Variants in GRID1 observed in about 807,000 individuals in gnomAD.
GRID1 encodes glutamate receptor ionotropic, delta-1.
Under a neutral mutation model 98.0 loss-of-function variants are expected in GRID1, and 28 were observed. The observed-to-expected ratio is 0.29, with a 90% CI of 0.21 to 0.39. GRID1 has a LOEUF of 0.39. Ranked by LOEUF, GRID1 falls within the 10% of genes least tolerant of loss-of-function variation. The pLI is 1.00. For missense variants in GRID1, 1,111 were observed against 1,340.5 expected (o/e 0.83, Z 2.67); for synonymous variants, 553 against 538.5 (o/e 1.03, Z -0.37).
rs867934574 is a variant in GRID1 at position 85,931,510 on chromosome 10, C to G, written c.727-15271G>C. Among the ~76,000 whole-genome samples the G allele has an allele frequency of 9.2e-5, 14 of 152,048 alleles. No homozygotes were observed. In the South Asian group the frequency reaches 2.5e-3, roughly 27 times the overall value. The stretch of plus-strand genomic sequence containing the variant: ...CATTATATACCTCTTTGCCTTTTTG[C>G]TTTACTTCAATTGAACTTTTAAAAT... On this transcript the variant is annotated intron_variant, in intron 4 of 15. Coordinates refer to ENST00000327946, the MANE Select transcript of GRID1 (RefSeq NM_017551.3).
At chr10:86,240,680 T>G (rs1157613774) in intron 2 of GRID1, among the ~76,000 whole-genome samples, 1 of 152,158 alleles carries the variant, frequency 6.6e-6, no homozygotes, top group Non-Finnish European at 1.5e-5. Context: ...CCCTATGGAA[T>G]GTGCTGCCCA....
At chr10:85,947,792 G>GAC (rs1385424625) in intron 4 of GRID1, among the ~76,000 whole-genome samples, 1 of 152,250 alleles carries the variant, frequency 6.6e-6, no homozygotes, top group African/African-American at 2.4e-5. Flanking sequence ...AAGAGGGTCA[G>GAC]ACGTCCCAAT....
intron 3 of GRID1, among the ~76,000 whole-genome samples, chr10:86,168,205 G>A (rs778745142): frequency 1.3e-5 from 2 of 152,210 alleles, no homozygotes; most frequent in Non-Finnish European, 1.5e-5. Context: ...GTGGACCTTC[G>A]AGTCTAAGGC....
At chr10:86,047,441 C>G (rs1843439329) in intron 4 of GRID1, among the ~76,000 whole-genome samples, 1 of 152,202 alleles carries the variant, frequency 6.6e-6, no homozygotes, top group Non-Finnish European at 1.5e-5. Flanking sequence ...GGCAATTATT[C>G]CCAGTGAATG....
chr10:85,629,269 G>A (rs1842946553), intron 13 of GRID1, among the ~76,000 whole-genome samples: 1 of 152,202 alleles, frequency 6.6e-6, no homozygotes, highest in Non-Finnish European at 1.5e-5. Flanking sequence ...TACAAGTGCA[G>A]TTTTGTTGCA....
chr10:85,866,261 C>T (rs941808178), intron 6 of GRID1, among the ~76,000 whole-genome samples: 44 of 144,364 alleles, frequency 3.0e-4, no homozygotes, highest in African/African-American at 9.7e-4. Flanking sequence ...TGCAGTGATG[C>T]CTTTAAAAAG....
chr10:85,837,958 C>A (rs2096178), intron 8 of GRID1, among the ~76,000 whole-genome samples: 1 of 151,912 alleles, frequency 6.6e-6, no homozygotes, highest in Non-Finnish European at 1.5e-5. Flanking sequence ...AACCAGTTTA[C>A]AGAAGAACAT....
intron 13 of GRID1, among the ~76,000 whole-genome samples, chr10:85,627,172 C>G (rs1034345139): frequency 5.3e-5 from 8 of 152,082 alleles, no homozygotes; most frequent in African/African-American, 9.7e-5. Context: ...AAAGAGGCAC[C>G]CCTGAGCTAT....
At chr10:86,200,101 A>AG (rs1382106051) in intron 3 of GRID1, among the ~76,000 whole-genome samples, 1 of 152,008 alleles carries the variant, frequency 6.6e-6, no homozygotes, top group Non-Finnish European at 1.5e-5. Context: ...GAAAGAGGGA[A>AG]GCAAGTTCTT....
chr10:85,732,190 C>T (rs545959503), intron 8 of GRID1, among the ~76,000 whole-genome samples: 1 of 152,290 alleles, frequency 6.6e-6, no homozygotes, highest in East Asian at 1.9e-4. Context: ...GGTGCTGGAG[C>T]TGCTTAGCCC....
chr10:85,712,108 A>G (rs1841587965), intron 12 of GRID1, among the ~76,000 whole-genome samples: 1 of 151,846 alleles, frequency 6.6e-6, no homozygotes. Flanking sequence ...AGGAACACAA[A>G]TGATGTAAGT....
intron 7 of GRID1, 35 bp from the exon 8 acceptor site, chr10:85,854,650 G>T: frequency 6.2e-7 from 1 of 1,612,928 alleles, no homozygotes; most frequent in African/African-American, 1.3e-5. Context: ...TGGAAAATCT[G>T]GTTAAGGTAG....
chr10:86,358,540 C>T (rs1272965728), intron 2 of GRID1, among the ~76,000 whole-genome samples: 1 of 151,974 alleles, frequency 6.6e-6, no homozygotes, highest in African/African-American at 2.4e-5. Flanking sequence ...AGGCGGATCA[C>T]GAGGTCAGGA....
chr10:85,925,590 T>A (rs1021270859), intron 4 of GRID1, among the ~76,000 whole-genome samples: 2 of 152,200 alleles, frequency 1.3e-5, no homozygotes, highest in Admixed American at 6.5e-5. Flanking sequence ...AGTCCAAAAC[T>A]GATTAGAAAT....
At chr10:86,319,639 G>C (rs1399011767) in intron 2 of GRID1, among the ~76,000 whole-genome samples, 3 of 152,184 alleles carry the variant, frequency 2.0e-5, no homozygotes, top group Admixed American at 6.5e-5. Context: ...ATGACTTTAG[G>C]CAAAGAGGTT....
intron 13 of GRID1, among the ~76,000 whole-genome samples, chr10:85,635,740 G>A (rs1843032111): frequency 6.6e-6 from 1 of 152,192 alleles, no homozygotes. Flanking sequence ...GATGCACTGT[G>A]TGGTAAGGGG....
chr10:86,091,317 G>C (rs1448912876), intron 4 of GRID1, among the ~76,000 whole-genome samples: 3 of 152,154 alleles, frequency 2.0e-5, no homozygotes, highest in Admixed American at 2.0e-4. Context: ...AGTGAGACCA[G>C]CCCTTCAGTT....
chr10:85,741,049 G>GA (rs749336020), intron 8 of GRID1, among the ~76,000 whole-genome samples: 7 of 152,204 alleles, frequency 4.6e-5, no homozygotes, highest in Non-Finnish European at 8.8e-5. Context: ...ACTGCGCCCA[G>GA]CCCACATAAC....
chr10:85,715,160 T>A (rs1445085865), intron 12 of GRID1, among the ~76,000 whole-genome samples: 1 of 152,180 alleles, frequency 6.6e-6, no homozygotes, highest in Non-Finnish European at 1.5e-5. Context: ...TAGTAAATGA[T>A]GTTGGAGAAA....
Sources: allele counts gnomAD v4.1 joint callset (sites outside exome capture counted in the v4.1 genomes callset), GRCh38; gene constraint gnomAD v4.1.1; transcripts MANE v1.5; gene names NCBI Gene and HGNC (gene_info 2026-07-23, HGNC 2026-07-21).